ADCY9: variants seen among roughly 807,000 people sequenced by gnomAD.
ADCY9 encodes the protein adenylate cyclase type 9.
In ADCY9, 50 loss-of-function variants were observed where a neutral mutation model predicts 101.5. The observed-to-expected ratio is 0.49, with a 90% confidence interval of 0.39 to 0.62. The LOEUF (loss-of-function observed/expected upper bound fraction) is 0.62, where lower values mean the gene tolerates loss of function less well. Among genes scored for constraint, ADCY9 ranks in the 20% least tolerant of loss-of-function variants. The pLI is 0.00. For missense variants in ADCY9, 1,662 were observed against 1,800.4 expected (o/e 0.92, Z 1.39); for synonymous variants, 905 against 769.3 (o/e 1.18, Z -2.92).
chr16:3,987,680 C>T (rs1419378054), intron 6 of ADCY9, among the ~76,000 whole-genome samples: 1 of 152,202 alleles, frequency 6.6e-6, no homozygotes, highest in Non-Finnish European at 1.5e-5. Flanking sequence ...ACCTCCCACC[C>T]CACGAGGCAT....
chr16:4,045,243 G>C (rs1035043317), intron 2 of ADCY9, among the ~76,000 whole-genome samples: 1 of 152,048 alleles, frequency 6.6e-6, no homozygotes, highest in African/African-American at 2.4e-5. Context: ...TAAAGTGACT[G>C]CTATGAAAAA....
intron 2 of ADCY9, among the ~76,000 whole-genome samples, chr16:4,052,080 G>A (rs79117728): frequency 0.011 from 1,735 of 152,262 alleles, 12 homozygotes; most frequent in African/African-American, 0.016. Flanking sequence ...TGACAACCCT[G>A]CAGGGACTCT....
Position 3,992,414 on chromosome 16 carries a change from C to A in ADCY9, c.1990-51G>T. On this transcript the variant is annotated intron_variant, in intron 4 of 10. Transcript: ENST00000294016. The surrounding 1 kb of genome is among the most constrained non-coding windows in gnomAD (Gnocchi z 4.2). ...ACACGGGAAGTGAAGTGGCACCGGG[C>A]ACTGGGCACACACGCCTGTCCCACC... 1.3e-6 allele frequency: 2 copies of A among 1,538,836 alleles called. No homozygotes were observed. Among genetic ancestry groups the A allele is most frequent in the African/African-American group, 1.4e-5 (1 of 73,598 alleles).
chr16:3,993,076 C>T (rs2056258691), intron 4 of ADCY9, among the ~76,000 whole-genome samples: 1 of 152,106 alleles, frequency 6.6e-6, no homozygotes, highest in African/African-American at 2.4e-5. Context: ...CTTGTCTCTG[C>T]CCGTCTATAT....
chr16:4,056,076 G>A (rs968376021), intron 2 of ADCY9, among the ~76,000 whole-genome samples: 26 of 152,260 alleles, frequency 1.7e-4, no homozygotes, highest in African/African-American at 5.5e-4. Flanking sequence ...GGTGTTGTGC[G>A]ATACAGAACC....
At chr16:4,058,360 G>A (rs890911369) in intron 2 of ADCY9, among the ~76,000 whole-genome samples, 2 of 151,268 alleles carry the variant, frequency 1.3e-5, no homozygotes, top group African/African-American at 4.9e-5. Context: ...AGCTACTCAG[G>A]AGGCTGAGGC....
At position 4,053,983 on chromosome 16, in the gene ADCY9, AC is replaced by A. The variant is rs2056719346; in HGVS notation, c.1694-46426del. 3.6e-5 allele frequency: 3 copies of A among 82,460 alleles called. 1 individual carries two copies. In the South Asian group the frequency reaches 1.1e-3, roughly 31 times the overall value. The allele number at this position is 82,460 out of a possible 1,614,324, so 5.1% of individuals were successfully genotyped here. On this transcript the variant is annotated intron_variant, in intron 2 of 10. Transcript: ENST00000294016. ...TGCCCCGCCCCACCCCACATCCCTC[AC>A]CCCCACTCCACAAACTCCTGCCCTT...
At chr16:4,107,874 A>C (rs1044014516) in intron 2 of ADCY9, among the ~76,000 whole-genome samples, 3 of 152,216 alleles carry the variant, frequency 2.0e-5, no homozygotes, top group African/African-American at 7.2e-5. Context: ...CTGTCGGCCC[A>C]CCAGACAGGG....
In ADCY9 at chr16:3,985,417, T is replaced by C. The variant is rs185470728; in HGVS notation, c.2311-1977A>G. Among the ~76,000 whole-genome samples, 3 of 152,294 alleles carry C rather than the reference T, an allele frequency of 2.0e-5. No homozygotes were observed. The East Asian group carries it at 5.8e-4, about 29-fold the overall frequency. ...TCCCAAAGTGCTGGGATTACAGGCCTGAGCCACTGTACCCGGCCAGGTGTA... is the reference window on the plus strand; with the variant it reads ...TCCCAAAGTGCTGGGATTACAGGCCCGAGCCACTGTACCCGGCCAGGTGTA... On this transcript the variant is annotated intron_variant, in intron 6 of 10. Transcript: ENST00000294016.
chr16:4,095,200 G>GACC (rs2056995989), intron 2 of ADCY9, among the ~76,000 whole-genome samples: 5 of 151,606 alleles, frequency 3.3e-5, no homozygotes, highest in South Asian at 4.2e-4. Context: ...CAGGGTTTCG[G>GACC]ACGTTGGCCA....
chr16:4,033,536 C>A (rs771872239), intron 2 of ADCY9, among the ~76,000 whole-genome samples: 1 of 150,998 alleles, frequency 6.6e-6, no homozygotes, highest in African/African-American at 2.4e-5. Context: ...GAGGTTCAAG[C>A]GACTCCCCTG....
chr16:4,100,389 G>A (rs1285417893), intron 2 of ADCY9, among the ~76,000 whole-genome samples: 2 of 152,052 alleles, frequency 1.3e-5, no homozygotes, highest in Non-Finnish European at 2.9e-5. Context: ...GAGTACAGTG[G>A]CGCGATCTGG....
At chr16:4,051,611 G>T (rs750894953) in intron 2 of ADCY9, among the ~76,000 whole-genome samples, 3 of 152,184 alleles carry the variant, frequency 2.0e-5, no homozygotes, top group Admixed American at 2.0e-4. Context: ...GCTTGGAGGC[G>T]CTGCTTTTGG....
At chr16:3,974,594 AG>A in intron 10 of ADCY9, 74 bp downstream of exon 10, 1 of 1,240,246 alleles carries the variant, frequency 8.1e-7, no homozygotes, top group Non-Finnish European at 1.2e-6. Context: ...CATTGTTTTC[AG>A]GAAGCTTCGA....
chr16:3,961,725 A>G (rs184489789), downstream of ADCY9, among the ~76,000 whole-genome samples: 59 of 152,094 alleles, frequency 3.9e-4, no homozygotes, highest in African/African-American at 1.4e-3. Context: ...GAAGTTGGTC[A>G]TAAATACTTA....
intron 2 of ADCY9, among the ~76,000 whole-genome samples, chr16:4,045,822 C>T (rs1309113120): frequency 6.6e-6 from 1 of 150,606 alleles, no homozygotes; most frequent in African/African-American, 2.4e-5. Context: ...CCTCAGCCGC[C>T]CGAGTAGCTG....
At chr16:3,956,162 A>T (rs62036940) in intron 5 of ADCY9, among the ~76,000 whole-genome samples, 58,580 of 151,992 alleles carry the variant, frequency 0.39, 11,761 homozygotes, top group African/African-American at 0.49. Context: ...AACCCCACAA[A>T]GTGCTGGGAT....
intron 10 of ADCY9, among the ~76,000 whole-genome samples, chr16:3,967,466 C>T (rs188164974): frequency 5.4e-4 from 82 of 152,004 alleles, no homozygotes; most frequent in Non-Finnish European, 9.3e-4. Context: ...TCATGGCTCA[C>T]TGCAGCCTTA....
intron 6 of ADCY9, among the ~76,000 whole-genome samples, chr16:3,984,809 G>A (rs1186232696): frequency 2.6e-5 from 4 of 152,256 alleles, no homozygotes; most frequent in Non-Finnish European, 5.9e-5. Context: ...CTGAGGGCAG[G>A]AGCTGGAGAC....
Sources: gnomAD v4.1 joint callset for allele counts (sites outside exome capture counted in the v4.1 genomes callset) on GRCh38, gnomAD v4.1.1 for gene constraint, Gnocchi (gnomAD v3.1) non-coding constraint, MANE v1.5 for transcripts, NCBI Gene and HGNC (gene_info 2026-07-23, HGNC 2026-07-21) for gene names.